The following RNLS variants were observed in gnomAD, a reference collection of about 807,000 sequenced individuals.
RNLS encodes the protein renalase, FAD dependent amine oxidase, also known as renalase.
A neutral mutation model predicts 39.8 loss-of-function variants in RNLS; 39 were observed. The ratio of observed to expected loss-of-function variants is 0.98; its 90% CI spans 0.76 to 1.28. RNLS has a LOEUF of 1.28. Ranked by LOEUF, RNLS falls within the 50% of genes most tolerant of loss-of-function variation. RNLS has a pLI of 0.00. For synonymous variants in RNLS, 147 were observed against 150.7 expected, an observed-to-expected ratio of 0.98 and a Z score of 0.18; for missense variants, 410 against 413.3, an observed-to-expected ratio of 0.99 and a Z score of 0.07.
At chr10:88,236,107 G>A in the RNLS span, among the ~76,000 whole-genome samples, 1 of 152,168 alleles carries the variant, frequency 6.6e-6, no homozygotes, top group Non-Finnish European at 1.5e-5. Flanking sequence ...CTTAAGATAT[G>A]GCAAGGTTTC....
At chr10:88,220,276 T>C in the RNLS span, among the ~76,000 whole-genome samples, 1 of 152,170 alleles carries the variant, frequency 6.6e-6, no homozygotes, top group Non-Finnish European at 1.5e-5. Context: ...TTCCTTTGCT[T>C]GGAGTCAGCT....
intron 6 of RNLS, among the ~76,000 whole-genome samples, chr10:88,278,886 T>A (rs1369228034): frequency 6.6e-6 from 1 of 152,238 alleles, no homozygotes. Context: ...CTTTGGTACT[T>A]ACTAATATTA....
chr10:88,557,241 T>C (rs1848923114), intron 4 of RNLS, among the ~76,000 whole-genome samples: 1 of 152,206 alleles, frequency 6.6e-6, no homozygotes, highest in Non-Finnish European at 1.5e-5. Flanking sequence ...TCAGATATGA[T>C]GATTTCCTTT....
intron 4 of RNLS, among the ~76,000 whole-genome samples, chr10:88,480,490 T>C (rs1015002647): frequency 2.0e-5 from 3 of 152,360 alleles, no homozygotes; most frequent in South Asian, 2.1e-4. Flanking sequence ...GGTGCAACCT[T>C]GGCTCACTAC....
At chr10:88,550,852 A>G (rs1848572483) in intron 4 of RNLS, among the ~76,000 whole-genome samples, 2 of 152,196 alleles carry the variant, frequency 1.3e-5, no homozygotes, top group African/African-American at 4.8e-5. Flanking sequence ...GATCTTAGAG[A>G]TCTAGGGTTC....
the RNLS span, among the ~76,000 whole-genome samples, chr10:88,200,720 T>C: frequency 2.0e-5 from 3 of 152,178 alleles, no homozygotes; most frequent in Non-Finnish European, 4.4e-5. Context: ...TAAAGGGACA[T>C]TTGTTGTAGT....
At chr10:88,403,670 T>C (rs1853079071) in intron 4 of RNLS, among the ~76,000 whole-genome samples, 1 of 152,032 alleles carries the variant, frequency 6.6e-6, no homozygotes, top group African/African-American at 2.4e-5. Context: ...GAAGGACCCA[T>C]TTTAATTAAT....
chr10:88,504,914 C>T (rs1400709293), intron 4 of RNLS, among the ~76,000 whole-genome samples: 1 of 150,900 alleles, frequency 6.6e-6, no homozygotes, highest in Non-Finnish European at 1.5e-5. Context: ...TCAAGGTTCT[C>T]ACTGTAGATA....
intron 4 of RNLS, among the ~76,000 whole-genome samples, chr10:88,508,424 A>T (rs1589921369): frequency 6.6e-6 from 1 of 152,290 alleles, no homozygotes; most frequent in African/African-American, 2.4e-5. Context: ...ATAATGTATG[A>T]TAAGGTCTTT....
At chr10:88,528,078 C>CAGAAA (rs1305413733) in intron 4 of RNLS, among the ~76,000 whole-genome samples, 13 of 150,818 alleles carry the variant, frequency 8.6e-5, no homozygotes, top group Admixed American at 3.3e-4. Flanking sequence ...AAAAAATATT[C>CAGAAA]AGAAAAGAAA....
At chr10:88,582,926 TC>T (rs1436811434) in intron 1 of RNLS, 146 bp downstream of exon 1, 3 of 852,758 alleles carry the variant, frequency 3.5e-6, no homozygotes, top group Non-Finnish European at 4.9e-6. Context: ...GGCGCGCCAC[TC>T]GGCGCATGGG....
intron 4 of RNLS, among the ~76,000 whole-genome samples, chr10:88,420,011 AAAATAAATAAATAAATAAAT>A (rs57637078): frequency 1.5e-5 from 2 of 134,762 alleles, no homozygotes; most frequent in Non-Finnish European, 3.2e-5. Flanking sequence ...ACTCCATCTC[AAAATAAATAAATAAATAAAT>A]AAATAAATAA....
chr10:88,534,830 G>A (rs965967579), intron 4 of RNLS, among the ~76,000 whole-genome samples: 3 of 152,092 alleles, frequency 2.0e-5, no homozygotes, highest in African/African-American at 7.2e-5. Context: ...TGTGGGAGTT[G>A]GAGGGAGACA....
In RNLS at chr10:88,573,024, G is replaced by T. The variant is rs1304691184; in HGVS notation, c.405C>A (p.Ile135=). 1 of 1,614,000 alleles carries T rather than the reference G, an allele frequency of 6.2e-7. No individual in the cohort carries two copies. The highest frequency in any genetic ancestry group is 1.1e-5 in the South Asian group (1 of 91,056). ...EVYFRHRVTQ[I]NLRDDKWEVS... ...CTTCCCATTTGTCATCTCTTAGGTT[G>T]ATCTGTGTCACACGATGTCTGAAGT... The change falls in exon 4 of 7, where the codon ATC becomes ATA. Residue 135 remains isoleucine, a synonymous_variant. Coordinates refer to ENST00000331772, the MANE Select transcript of RNLS (RefSeq NM_001031709.3).
At chr10:88,401,638 C>CT (rs1417606627) in intron 4 of RNLS, among the ~76,000 whole-genome samples, 1 of 151,946 alleles carries the variant, frequency 6.6e-6, no homozygotes, top group Non-Finnish European at 1.5e-5. Flanking sequence ...CTTATATCAT[C>CT]TTTTTGTTGT....
At chr10:88,368,393 G>A (rs1413936353) in intron 4 of RNLS, among the ~76,000 whole-genome samples, 1 of 152,110 alleles carries the variant, frequency 6.6e-6, no homozygotes, top group Non-Finnish European at 1.5e-5. Flanking sequence ...ACAGTGACTA[G>A]TGCAACAATG....
intron 4 of RNLS, among the ~76,000 whole-genome samples, chr10:88,441,615 C>T (rs1221794858): frequency 2.6e-5 from 4 of 152,148 alleles, no homozygotes; most frequent in Admixed American, 2.0e-4. Context: ...AGCCTGGGTG[C>T]GCTCTCTTCA....
chr10:88,566,111 C>T (rs1044380525), intron 4 of RNLS, among the ~76,000 whole-genome samples: 1 of 151,544 alleles, frequency 6.6e-6, no homozygotes, highest in Non-Finnish European at 1.5e-5. Context: ...TTCAAAAAAT[C>T]GTAAAGAAGA....
the RNLS span, among the ~76,000 whole-genome samples, chr10:88,243,617 A>G: frequency 6.6e-6 from 1 of 152,234 alleles, no homozygotes; most frequent in East Asian, 1.9e-4. Context: ...AATCCAATTC[A>G]TGTAATATCT....
Sources: gnomAD v4.1 joint callset for allele counts (sites outside exome capture counted in the v4.1 genomes callset) on GRCh38, gnomAD v4.1.1 for gene constraint, MANE v1.5 for transcripts, NCBI Gene and HGNC (gene_info 2026-07-23, HGNC 2026-07-21) for gene names.